PRAG1: variants seen among roughly 807,000 people sequenced by gnomAD.
PRAG1 encodes PEAK1 related, kinase-activating pseudokinase 1, also known as inactive tyrosine-protein kinase PRAG1.
A neutral mutation model predicts 95.6 loss-of-function variants in PRAG1; 110 were observed. The observed-to-expected ratio is 1.15, with a 90% CI of 0.99 to 1.35. The LOEUF (loss-of-function observed/expected upper bound fraction) is 1.35, where lower values mean the gene tolerates loss of function less well. Ranked by LOEUF, PRAG1 falls within the 40% of genes most tolerant of loss-of-function variation. The probability of loss-of-function intolerance (pLI) is 0.00; values close to 1 mark genes in which losing one functional copy is unlikely to be tolerated. For synonymous variants in PRAG1, 1,052 were observed against 819.4 expected (o/e 1.28, Z -4.85); for missense variants, 2,554 against 1,864.7 (o/e 1.37, Z -6.81).
chr8:8,363,769 G>T (rs1240770572), intron 3 of PRAG1, among the ~76,000 whole-genome samples: 1 of 152,054 alleles, frequency 6.6e-6, no homozygotes, highest in Non-Finnish European at 1.5e-5. Flanking sequence ...TACATAAAAG[G>T]TTAAGAATGC....
chr8:8,356,596 T>C (rs1168218113), intron 3 of PRAG1, among the ~76,000 whole-genome samples: 1 of 152,118 alleles, frequency 6.6e-6, no homozygotes, highest in Non-Finnish European at 1.5e-5. Flanking sequence ...AATTTGCCCA[T>C]CTCAGCCTTC....
Position 8,318,792 on chromosome 8 carries a change from C to T in PRAG1, c.3583G>A (p.Ala1195Thr), listed in dbSNP as rs1307353137. Reference sequence around the variant, plus strand: ...CCTTCCGGGGAGGCGGGGCCGGCTGCGGGGCTGAGAGTGCCACCAGCAGGC... The same window carrying T: ...CCTTCCGGGGAGGCGGGGCCGGCTGTGGGGCTGAGAGTGCCACCAGCAGGC... ...APPAGGTLSP[A>T]AGPASPEGPR... The change falls in exon 6 of 6, where the codon GCA becomes ACA. Residue 1195 changes from alanine to threonine, a missense_variant. By Grantham distance (58) the Ala-to-Thr change is moderately conservative. Coordinates refer to ENST00000615670, the MANE Select transcript of PRAG1 (RefSeq NM_001080826.3). The surrounding 1 kb of genome is among the most constrained non-coding windows in gnomAD (Gnocchi z 4.2). 4.1e-6 allele frequency: 6 copies of T among 1,467,942 alleles called. No homozygotes were observed. Among genetic ancestry groups the T allele is most frequent in the South Asian group, 2.6e-5 (2 of 77,496 alleles). The allele number at this position is 1,467,942 out of a possible 1,614,324, so 90.9% of individuals were successfully genotyped here.
chr8:8,348,841 G>A (rs541584008), intron 3 of PRAG1, among the ~76,000 whole-genome samples: 6 of 152,128 alleles, frequency 3.9e-5, no homozygotes, highest in East Asian at 3.8e-4. Flanking sequence ...GCTTGTAACC[G>A]TTCCAAAATT....
chr8:8,356,417 C>T (rs1799684640), intron 3 of PRAG1, among the ~76,000 whole-genome samples: 2 of 152,192 alleles, frequency 1.3e-5, no homozygotes, highest in Admixed American at 6.5e-5. Flanking sequence ...GCAATCATGG[C>T]TCACCACAGC....
chr8:8,361,336 G>A (rs1374971084), intron 3 of PRAG1, among the ~76,000 whole-genome samples: 1 of 152,194 alleles, frequency 6.6e-6, no homozygotes, highest in Admixed American at 6.5e-5. Flanking sequence ...GAATTCCCAA[G>A]AATCTGGGTT....
In PRAG1 at chr8:8,376,730, G is replaced by T. The variant is rs200846210; in HGVS notation, c.1679C>A (p.Pro560Gln). 2 of 1,609,912 alleles carry T rather than the reference G, an allele frequency of 1.2e-6. No individual in the cohort carries two copies. Among genetic ancestry groups the T allele is most frequent in the South Asian group, 2.2e-5 (2 of 91,056 alleles). ...TGACACTGGGGGCCCTCCAGCAGACGGTGACACCGGGGACCCTACAGGGCT... is the reference window on the plus strand; with the variant it reads ...TGACACTGGGGGCCCTCCAGCAGACTGTGACACCGGGGACCCTACAGGGCT... ...KSSPVGSPVS[P>Q]SAGGPPVSPL... The change falls in exon 3 of 6, where the codon CCG becomes CAG. Residue 560 changes from proline (P) to glutamine (Q), a missense_variant. Coordinates refer to ENST00000615670, the MANE Select transcript of PRAG1 (RefSeq NM_001080826.3).
chr8:8,335,656 A>C (rs1367968392), intron 4 of PRAG1, among the ~76,000 whole-genome samples: 1 of 152,228 alleles, frequency 6.6e-6, no homozygotes. Flanking sequence ...ATTATAGCTC[A>C]GGCCACAGAA....
chr8:8,383,873 T>A (rs10089767), intron 1 of PRAG1, among the ~76,000 whole-genome samples: 53,218 of 152,024 alleles, frequency 0.35, 9,709 homozygotes, highest in East Asian at 0.59. Context: ...GCCTTGCTGC[T>A]AAGTTTTGGG....
At chr8:8,347,119 C>G (rs143096945) in intron 3 of PRAG1, among the ~76,000 whole-genome samples, 1 of 152,324 alleles carries the variant, frequency 6.6e-6, no homozygotes, top group Non-Finnish European at 1.5e-5. Flanking sequence ...TAAACTCAAA[C>G]AACCAATAAT....
intron 3 of PRAG1, among the ~76,000 whole-genome samples, chr8:8,362,387 C>A (rs114673717): frequency 6.6e-6 from 1 of 152,192 alleles, no homozygotes; most frequent in African/African-American, 2.4e-5. Context: ...ACCCCTGTGA[C>A]GTTTCTTACT....
chr8:8,368,253 C>G (rs1444046536), intron 3 of PRAG1, among the ~76,000 whole-genome samples: 4 of 152,132 alleles, frequency 2.6e-5, no homozygotes, highest in Non-Finnish European at 5.9e-5. Flanking sequence ...CTCTCATGAT[C>G]CAACAAAGAA....
intron 3 of PRAG1, among the ~76,000 whole-genome samples, chr8:8,354,689 T>C (rs1011490538): frequency 6.6e-6 from 1 of 152,146 alleles, no homozygotes; most frequent in Non-Finnish European, 1.5e-5. Flanking sequence ...CACATCTAAA[T>C]TGACATAGAA....
At chr8:8,342,045 C>T (rs993247741) in intron 3 of PRAG1, among the ~76,000 whole-genome samples, 1 of 151,950 alleles carries the variant, frequency 6.6e-6, no homozygotes, top group Non-Finnish European at 1.5e-5. Flanking sequence ...GCAGTAGAAT[C>T]GCTTGAACCA....
intron 3 of PRAG1, among the ~76,000 whole-genome samples, 179 bp downstream of exon 3, chr8:8,376,068 G>C (rs35968648): frequency 6.6e-6 from 1 of 152,254 alleles, no homozygotes; most frequent in African/African-American, 2.4e-5. Flanking sequence ...GGTACAAAGA[G>C]GGCCACAACT....
intron 2 of PRAG1, among the ~76,000 whole-genome samples, chr8:8,380,530 CA>C (rs1316035559): frequency 1.3e-5 from 2 of 151,170 alleles, no homozygotes; most frequent in African/African-American, 4.9e-5. Flanking sequence ...ACCCTGGAGG[CA>C]GAAGGTGCAG....
intron 5 of PRAG1, among the ~76,000 whole-genome samples, chr8:8,321,690 G>C (rs981173518): frequency 6.6e-6 from 1 of 152,168 alleles, no homozygotes; most frequent in African/African-American, 2.4e-5. Context: ...TAAATTATTT[G>C]CTCAGGACTA....
chr8:8,329,149 T>G (rs192744297), intron 4 of PRAG1, among the ~76,000 whole-genome samples: 2 of 152,144 alleles, frequency 1.3e-5, no homozygotes, highest in East Asian at 1.9e-4. Context: ...TCCCAGCACT[T>G]TGGGAGGCTG....
chr8:8,381,922 G>A (rs150262039), intron 1 of PRAG1, 88 bp from the exon 2 acceptor site: 14 of 552,178 alleles, frequency 2.5e-5, no homozygotes, highest in Non-Finnish European at 4.1e-5. Context: ...ATTTGATCAG[G>A]GAGAAGGAGG....
At position 8,319,049 on chromosome 8, in the gene PRAG1, G is replaced by C. The variant is rs1282541332; in HGVS notation, c.3326C>G (p.Ala1109Gly). 1.2e-6 allele frequency: 2 copies of C among 1,612,616 alleles called. No homozygotes were observed. The highest frequency in any genetic ancestry group is 1.7e-6 in the Non-Finnish European group (2 of 1,179,792). ...TASDFVRDSA[A>G]SHQAEPEAYE... ...CGCCTCGGGCTCCGCCTGGTGGCTG[G>C]CCGCCGAGTCCCGCACGAAGTCGGA... Residue 1109 changes from alanine (A) to glycine (G), a missense_variant, in exon 6 of 6, where the codon GCC (alanine) becomes GGC (glycine). Ala to Gly is a moderately conservative substitution (Grantham distance 60, BLOSUM62 0). Transcript: ENST00000615670.
Sources: allele counts gnomAD v4.1 joint callset (sites outside exome capture counted in the v4.1 genomes callset), GRCh38; gene constraint gnomAD v4.1.1; non-coding constraint Gnocchi (gnomAD v3.1); transcripts MANE v1.5; gene names NCBI Gene and HGNC (gene_info 2026-07-23, HGNC 2026-07-21).